The following ADGRA3 variants were observed in gnomAD, a reference collection of about 807,000 sequenced individuals.
ADGRA3 encodes the protein adhesion G protein-coupled receptor A3.
In ADGRA3, 56 loss-of-function variants were observed where a neutral mutation model predicts 119.8. The ratio of observed to expected loss-of-function variants is 0.47; its 90% CI spans 0.38 to 0.58. The LOEUF (loss-of-function observed/expected upper bound fraction) is 0.58, where lower values mean the gene tolerates loss of function less well. ADGRA3 is among the 20% of genes least tolerant of loss of function. The pLI is 0.00. For synonymous variants in ADGRA3, 607 were observed against 623.8 expected (o/e 0.97, Z 0.40); for missense variants, 1,516 against 1,649.0 (o/e 0.92, Z 1.40).
At chr4:22,400,684 T>G (rs1434722704) in intron 16 of ADGRA3, among the ~76,000 whole-genome samples, 1 of 151,970 alleles carries the variant, frequency 6.6e-6, no homozygotes, top group Non-Finnish European at 1.5e-5. Flanking sequence ...AGAGATCACA[T>G]GTTATATATT....
chr4:22,483,687 C>T (rs1718324946), intron 1 of ADGRA3, among the ~76,000 whole-genome samples: 3 of 152,184 alleles, frequency 2.0e-5, no homozygotes, highest in Admixed American at 2.0e-4. Context: ...GGCACACACA[C>T]AAACTGTGGT....
intron 3 of ADGRA3, among the ~76,000 whole-genome samples, chr4:22,456,983 TA>T (rs746655612): frequency 1.3e-5 from 2 of 152,208 alleles, no homozygotes; most frequent in Non-Finnish European, 2.9e-5. Flanking sequence ...TAACAAAAAT[TA>T]GGCATCTTCT....
intron 1 of ADGRA3, among the ~76,000 whole-genome samples, chr4:22,485,980 T>C (rs1446336620): frequency 6.6e-6 from 1 of 152,214 alleles, no homozygotes; most frequent in Non-Finnish European, 1.5e-5. Flanking sequence ...TGGTTTCAGT[T>C]CTTGGGAATC....
chr4:22,496,938 T>G (rs536104142), intron 1 of ADGRA3, among the ~76,000 whole-genome samples: 146 of 152,346 alleles, frequency 9.6e-4, no homozygotes, highest in Middle Eastern at 6.8e-3. Context: ...CACAAAGCAC[T>G]TCCAATACTT....
At chr4:22,391,574 T>C (rs1373410245) in intron 17 of ADGRA3, among the ~76,000 whole-genome samples, 1 of 151,752 alleles carries the variant, frequency 6.6e-6, no homozygotes, top group African/African-American at 2.4e-5. Flanking sequence ...CTCAGCAGAA[T>C]TCCTTGTTCT....
intron 2 of ADGRA3, among the ~76,000 whole-genome samples, chr4:22,472,558 A>AAC (rs370046372): frequency 1.1e-4 from 16 of 151,844 alleles, no homozygotes; most frequent in Middle Eastern, 3.4e-3. Context: ...TATACACACA[A>AAC]ACACACACAC....
chr4:22,496,743 C>T (rs1327539412), intron 1 of ADGRA3, among the ~76,000 whole-genome samples: 1 of 152,156 alleles, frequency 6.6e-6, no homozygotes, highest in Admixed American at 6.6e-5. Flanking sequence ...CGGTGAGGAA[C>T]CCTGATATAT....
intron 12 of ADGRA3, among the ~76,000 whole-genome samples, chr4:22,414,897 G>A (rs1000157050): frequency 2.6e-5 from 4 of 152,096 alleles, no homozygotes; most frequent in African/African-American, 4.8e-5. Flanking sequence ...TTGGTGTAAC[G>A]GAAAGTGGAT....
intron 1 of ADGRA3, among the ~76,000 whole-genome samples, chr4:22,487,393 A>T (rs1718467733): frequency 6.6e-6 from 1 of 152,138 alleles, no homozygotes; most frequent in South Asian, 2.1e-4. Flanking sequence ...TCGCATGTGC[A>T]ATTCACAATA....
intron 1 of ADGRA3, among the ~76,000 whole-genome samples, chr4:22,492,856 C>T (rs909970882): frequency 2.0e-5 from 3 of 152,196 alleles, no homozygotes; most frequent in African/African-American, 7.2e-5. Context: ...CTTAATAAAG[C>T]TCATTTCCAA....
intron 1 of ADGRA3, among the ~76,000 whole-genome samples, chr4:22,503,639 A>ACGAAGTCT (rs34871343): frequency 0.98 from 149,246 of 152,206 alleles, 73,192 homozygotes; most frequent in East Asian, 1. Flanking sequence ...ACATGAGGAA[A>ACGAAGTCT]CTGACACCTC....
chr4:22,474,881 T>C (rs1033201725), intron 1 of ADGRA3, among the ~76,000 whole-genome samples: 4 of 152,226 alleles, frequency 2.6e-5, no homozygotes, highest in African/African-American at 9.6e-5. Context: ...TGTGAGCTAG[T>C]GTTTTTTGAG....
At chr4:22,434,661 C>T (rs1283519669) in intron 10 of ADGRA3, among the ~76,000 whole-genome samples, 5 of 152,188 alleles carry the variant, frequency 3.3e-5, no homozygotes, top group Non-Finnish European at 7.3e-5. Context: ...AATAATTCTG[C>T]CCCTTGAAAA....
intron 1 of ADGRA3, among the ~76,000 whole-genome samples, chr4:22,475,928 A>T (rs1718028700): frequency 6.6e-6 from 1 of 152,094 alleles, no homozygotes; most frequent in African/African-American, 2.4e-5. Flanking sequence ...ATCTACTGAA[A>T]GAAACAAATT....
intron 1 of ADGRA3, among the ~76,000 whole-genome samples, chr4:22,476,631 G>T (rs1718054714): frequency 6.6e-6 from 1 of 150,778 alleles, no homozygotes; most frequent in Admixed American, 6.6e-5. Context: ...TAGTGATGAG[G>T]TTTCTATTAA....
chr4:22,503,063 C>T (rs1387771245), intron 1 of ADGRA3, among the ~76,000 whole-genome samples: 1 of 151,880 alleles, frequency 6.6e-6, no homozygotes, highest in Non-Finnish European at 1.5e-5. Context: ...AACAGTATGA[C>T]AGCTGTCACA....
chr4:22,388,545 G>A lies in ADGRA3; in HGVS notation c.3126C>T (p.Phe1042=). The A allele has an allele frequency of 1.2e-6, 2 of 1,614,032 alleles. No homozygotes were observed. The highest frequency in any genetic ancestry group is 1.7e-6 in the Non-Finnish European group (2 of 1,179,976). Residue 1042 remains phenylalanine, a synonymous_variant, in exon 19 of 19, where the codon TTC becomes TTT. Transcript: ENST00000334304. ...CCCTATTAACACAATGGTGGACCACGAAGAACGCACTGAAGCTTAAACTTG... is the reference window on the plus strand; with the variant it reads ...CCCTATTAACACAATGGTGGACCACAAAGAACGCACTGAAGCTTAAACTTG... The part of the protein sequence containing the change: ...GATSLSFSAF[F]VVHHCVNRED...
intron 14 of ADGRA3, among the ~76,000 whole-genome samples, chr4:22,403,533 G>A (rs144397986): frequency 6.6e-6 from 1 of 151,996 alleles, no homozygotes; most frequent in African/African-American, 2.4e-5. Flanking sequence ...TCAGGAGTTC[G>A]AGACCACCCT....
chr4:22,493,082 T>A (rs976331798), intron 1 of ADGRA3, among the ~76,000 whole-genome samples: 1 of 152,156 alleles, frequency 6.6e-6, no homozygotes, highest in African/African-American at 2.4e-5. Flanking sequence ...CTCCCATCCC[T>A]GTCTCTCAAG....
Sources: allele counts gnomAD v4.1 joint callset (sites outside exome capture counted in the v4.1 genomes callset), GRCh38; gene constraint gnomAD v4.1.1; transcripts MANE v1.5; gene names NCBI Gene and HGNC (gene_info 2026-07-23, HGNC 2026-07-21).